Variants in NRG3 observed in about 807,000 individuals in gnomAD.
NRG3 encodes the protein neuregulin 3.
In NRG3, 31 loss-of-function variants were observed where a neutral mutation model predicts 66.9. That is an observed-to-expected ratio of 0.46 (90% CI 0.35 to 0.63). NRG3 has a LOEUF of 0.63. NRG3 is among the 20% of genes least tolerant of loss of function. NRG3 has a pLI of 0.00. For missense variants in NRG3, 910 were observed against 878.9 expected, an observed-to-expected ratio of 1.04 and a Z score of -0.45; for synonymous variants, 393 against 359.4, an observed-to-expected ratio of 1.09 and a Z score of -1.06.
At chr10:82,629,788 G>A (rs1312015662) in intron 2 of NRG3, among the ~76,000 whole-genome samples, 1 of 152,126 alleles carries the variant, frequency 6.6e-6, no homozygotes, top group Non-Finnish European at 1.5e-5. Flanking sequence ...GGACTAGTTG[G>A]GATAGATCTG....
At chr10:82,357,265 T>C (rs1216211878) in intron 1 of NRG3, among the ~76,000 whole-genome samples, 1 of 152,214 alleles carries the variant, frequency 6.6e-6, no homozygotes, top group Non-Finnish European at 1.5e-5. Flanking sequence ...TGGTTTGCCC[T>C]ACTGTGGATT....
At chr10:81,935,908 CACACACACACA>C (rs1244314621) in intron 1 of NRG3, among the ~76,000 whole-genome samples, 3 of 149,706 alleles carry the variant, frequency 2.0e-5, no homozygotes, top group African/African-American at 5.1e-5. Flanking sequence ...CACACACACA[CACACACACACA>C]CACACAGTTT....
chr10:82,205,740 C>G (rs2075087131), intron 1 of NRG3, among the ~76,000 whole-genome samples: 1 of 152,178 alleles, frequency 6.6e-6, no homozygotes, highest in Non-Finnish European at 1.5e-5. Context: ...GCATTTCTTT[C>G]ATCTTCATCC....
At chr10:82,844,951 T>C (rs2063236076) in intron 3 of NRG3, among the ~76,000 whole-genome samples, 1 of 152,070 alleles carries the variant, frequency 6.6e-6, no homozygotes, top group Non-Finnish European at 1.5e-5. Flanking sequence ...GGTCAGGAGC[T>C]TGAGACCAGC....
At chr10:82,319,965 ACT>A (rs2081482527) in intron 1 of NRG3, among the ~76,000 whole-genome samples, 1 of 152,120 alleles carries the variant, frequency 6.6e-6, no homozygotes, top group Non-Finnish European at 1.5e-5. Flanking sequence ...AAGGGTACTA[ACT>A]CTACTTTTCA....
intron 4 of NRG3, among the ~76,000 whole-genome samples, chr10:82,931,242 C>A (rs1479777602): frequency 6.6e-6 from 1 of 152,170 alleles, no homozygotes; most frequent in African/African-American, 2.4e-5. Flanking sequence ...AGAAAGCTTA[C>A]CAACTTTATT....
intron 2 of NRG3, among the ~76,000 whole-genome samples, chr10:82,447,119 G>T (rs773197695): frequency 6.6e-6 from 1 of 152,188 alleles, no homozygotes; most frequent in Non-Finnish European, 1.5e-5. Context: ...TGCAAACTGT[G>T]CAAGAAAACA....
At chr10:82,231,271 A>ATCCT (rs2076444754) in intron 1 of NRG3, among the ~76,000 whole-genome samples, 1 of 152,136 alleles carries the variant, frequency 6.6e-6, no homozygotes, top group East Asian at 1.9e-4. Flanking sequence ...TGAACCTAGG[A>ATCCT]AGGTTCAAGT....
intron 1 of NRG3, among the ~76,000 whole-genome samples, chr10:82,139,451 G>A (rs2069609549): frequency 6.6e-6 from 1 of 152,104 alleles, no homozygotes; most frequent in African/African-American, 2.4e-5. Context: ...GATGTAACTG[G>A]TGGTATTAGA....
intron 3 of NRG3, among the ~76,000 whole-genome samples, chr10:82,769,457 C>T (rs999896004): frequency 5.9e-5 from 9 of 151,832 alleles, no homozygotes; most frequent in Admixed American, 4.6e-4. Flanking sequence ...ACTTTAATTA[C>T]TTGAATTTAG....
At chr10:82,388,211 G>A (rs958638908) in intron 2 of NRG3, among the ~76,000 whole-genome samples, 1 of 152,104 alleles carries the variant, frequency 6.6e-6, no homozygotes, top group Admixed American at 6.6e-5. Flanking sequence ...ACTCTCATGT[G>A]GGATATAATA....
chr10:82,663,479 A>C (rs941266503), intron 2 of NRG3, among the ~76,000 whole-genome samples: 2 of 152,188 alleles, frequency 1.3e-5, no homozygotes, highest in African/African-American at 4.8e-5. Flanking sequence ...ATAGCCTCAT[A>C]AGCACATATC....
intron 4 of NRG3, among the ~76,000 whole-genome samples, chr10:82,912,194 T>C (rs1845386774): frequency 6.6e-6 from 1 of 152,326 alleles, no homozygotes; most frequent in East Asian, 1.9e-4. Context: ...TGGTTGACAG[T>C]GCTATTCAGT....
intron 1 of NRG3, among the ~76,000 whole-genome samples, chr10:82,004,072 T>C (rs2061287032): frequency 6.6e-6 from 1 of 151,744 alleles, no homozygotes; most frequent in Non-Finnish European, 1.5e-5. Flanking sequence ...CCGCAGTTTG[T>C]GAACCATAAG....
chr10:82,835,918 C>T (rs2062751443), intron 3 of NRG3, among the ~76,000 whole-genome samples: 1 of 152,078 alleles, frequency 6.6e-6, no homozygotes, highest in Non-Finnish European at 1.5e-5. Context: ...GAGTTGTTGA[C>T]CTTTGGATTA....
At chr10:82,332,802 A>G (rs756585272) in intron 1 of NRG3, among the ~76,000 whole-genome samples, 2 of 152,174 alleles carry the variant, frequency 1.3e-5, no homozygotes, top group Non-Finnish European at 2.9e-5. Flanking sequence ...AGATAGAGAA[A>G]GAAACTGATA....
chr10:82,658,448 A>C (rs1244537247), intron 2 of NRG3, among the ~76,000 whole-genome samples: 1 of 152,198 alleles, frequency 6.6e-6, no homozygotes, highest in Non-Finnish European at 1.5e-5. Flanking sequence ...TATACTTTTT[A>C]GTTAAAATTA....
chr10:82,224,945 A>AT (rs1186580549), intron 1 of NRG3, among the ~76,000 whole-genome samples: 1 of 152,012 alleles, frequency 6.6e-6, no homozygotes, highest in Admixed American at 6.6e-5. Flanking sequence ...TCACTTTACC[A>AT]TTGCTGCTAC....
At position 82,978,932 on chromosome 10, in the gene NRG3, T is replaced by G. The variant is rs746762255; in HGVS notation, c.1413-18T>G. On this transcript the variant is annotated intron_variant, in intron 7 of 8. Coordinates refer to ENST00000372141, the MANE Select transcript of NRG3 (RefSeq NM_001010848.4). ...TCTTTTGTTTGTTTGTTTGTCTGTT[T>G]TCATTCCACCCCAGCAGGAGTCTAT... is the stretch of plus-strand genomic sequence containing the variant. 11 of 1,610,906 alleles carry G rather than the reference T, an allele frequency of 6.8e-6. 1 individual carries two copies. Among genetic ancestry groups the G allele is most frequent in the Middle Eastern group, 3.3e-4 (2 of 6,022 alleles).
Sources: allele counts gnomAD v4.1 joint callset (sites outside exome capture counted in the v4.1 genomes callset), GRCh38; gene constraint gnomAD v4.1.1; transcripts MANE v1.5; gene names NCBI Gene and HGNC (gene_info 2026-07-23, HGNC 2026-07-21).